The following USH2A variants were observed in gnomAD, a reference collection of about 807,000 sequenced individuals.
USH2A encodes Usher syndrome 2A (autosomal recessive, mild).
Under a neutral mutation model 538.9 loss-of-function variants are expected in USH2A, and 443 were observed. That is an observed-to-expected ratio of 0.82 (90% confidence interval 0.76 to 0.89). The LOEUF (loss-of-function observed/expected upper bound fraction) is 0.89, where lower values mean the gene tolerates loss of function less well. USH2A is among the 40% of genes least tolerant of loss of function. USH2A has a pLI of 0.00. For missense variants in USH2A, 6,633 were observed against 6,324.8 expected (o/e 1.05, Z -1.65); for synonymous variants, 2,413 against 2,273.5 (o/e 1.06, Z -1.75).
chr1:215,667,329 T>C (rs1174515740), intron 64 of USH2A, among the ~76,000 whole-genome samples: 1 of 152,082 alleles, frequency 6.6e-6, no homozygotes, highest in Non-Finnish European at 1.5e-5. Flanking sequence ...GTGAGGTGAG[T>C]GACATTTGCT....
At chr1:216,103,934 C>T (rs2032657843) in intron 21 of USH2A, among the ~76,000 whole-genome samples, 1 of 152,256 alleles carries the variant, frequency 6.6e-6, no homozygotes, top group East Asian at 1.9e-4. Flanking sequence ...AATGGAAACT[C>T]TCATACATGC....
At chr1:215,935,696 G>T (rs778939054) in intron 37 of USH2A, among the ~76,000 whole-genome samples, 1 of 151,958 alleles carries the variant, frequency 6.6e-6, no homozygotes, top group African/African-American at 2.4e-5. Flanking sequence ...GGCTACAGAT[G>T]AAAATTGTAA....
chr1:215,812,498 A>G (rs1324554316), intron 49 of USH2A, among the ~76,000 whole-genome samples: 1 of 152,150 alleles, frequency 6.6e-6, no homozygotes, highest in East Asian at 1.9e-4. Flanking sequence ...ACTGGGTTAG[A>G]CAGTGTCTCA....
chr1:215,773,942 T>G (rs1661378898), intron 55 of USH2A, among the ~76,000 whole-genome samples: 1 of 152,166 alleles, frequency 6.6e-6, no homozygotes, highest in Non-Finnish European at 1.5e-5. Flanking sequence ...AGAATTTGTT[T>G]TACAGGATTT....
chr1:216,024,061 T>C (rs1668907354), intron 32 of USH2A, among the ~76,000 whole-genome samples: 1 of 152,120 alleles, frequency 6.6e-6, no homozygotes, highest in African/African-American at 2.4e-5. Flanking sequence ...ATATAATCAT[T>C]TCCTTTTTCT....
In USH2A at chr1:216,153,344, AG is replaced by A. The variant is rs1446990456; in HGVS notation, c.4627+21907del. 2.0e-5 allele frequency among the ~76,000 whole-genome samples: 3 copies of A among 152,152 alleles called. No individual in the cohort carries two copies. In the East Asian group the frequency reaches 5.8e-4, roughly 29 times the overall value. On this transcript the variant is annotated intron_variant, in intron 21 of 71. Transcript: ENST00000307340. ...TACTACCATGGGACTGGAGCCCAAA[AG>A]TTCTTGCCCTGGCTCCCACACCTGC...
intron 37 of USH2A, among the ~76,000 whole-genome samples, chr1:215,940,073 A>G (rs1391079554): frequency 6.6e-6 from 1 of 152,146 alleles, no homozygotes; most frequent in Non-Finnish European, 1.5e-5. Context: ...ATGAGAAATG[A>G]CAGTGAACAA....
chr1:215,773,655 G>A (rs1283650885), intron 55 of USH2A, among the ~76,000 whole-genome samples: 3 of 151,994 alleles, frequency 2.0e-5, no homozygotes, highest in South Asian at 4.2e-4. Flanking sequence ...GCAAGACAAC[G>A]AGCCCCAGAG....
chr1:216,417,248 A>G (rs559795562), intron 3 of USH2A, among the ~76,000 whole-genome samples: 1 of 150,912 alleles, frequency 6.6e-6, no homozygotes, highest in Non-Finnish European at 1.5e-5. Flanking sequence ...ACGCACACTC[A>G]TTATCTGCTT....
At position 215,634,592 on chromosome 1, in the gene USH2A, A is replaced by C. The variant is rs756735806; in HGVS notation, c.15164T>G (p.Leu5055Trp). Residue 5055 changes from leucine (L) to tryptophan (W), a missense_variant, in exon 70 of 72, where the codon TTG (leucine) becomes TGG (tryptophan). Physicochemically the swap from Leu to Trp is moderately conservative, Grantham distance 61 (BLOSUM62 -2). Transcript: ENST00000307340. ...TAGTATCAGGGACAGAAAAATGGCC[A>C]ACAAGATCAAGCCCAGCATCGCCAT... is the stretch of plus-strand genomic sequence containing the variant. The part of the protein sequence containing the change: ...VLMAMLGLIL[L>W]AIFLSLILQR... The C allele has an allele frequency of 6.2e-7, 1 of 1,614,224 alleles. No homozygotes were observed. The highest frequency in any genetic ancestry group is 2.2e-5 in the East Asian group (1 of 44,882).
At chr1:216,363,536 T>C (rs542708820) in intron 4 of USH2A, among the ~76,000 whole-genome samples, 2 of 152,270 alleles carry the variant, frequency 1.3e-5, no homozygotes, top group Admixed American at 1.3e-4. Flanking sequence ...TACGTATGTA[T>C]ACATCTATGT....
intron 46 of USH2A, among the ~76,000 whole-genome samples, chr1:215,839,933 G>A (rs993492300): frequency 2.0e-5 from 3 of 151,922 alleles, no homozygotes; most frequent in South Asian, 4.2e-4. Flanking sequence ...TTAGGCAGGC[G>A]GATCACCTGA....
chr1:215,997,363 G>C (rs1255373142), intron 34 of USH2A, among the ~76,000 whole-genome samples: 2 of 152,054 alleles, frequency 1.3e-5, no homozygotes, highest in Non-Finnish European at 2.9e-5. Flanking sequence ...AATAGTGTTT[G>C]GGATTACTTT....
chr1:215,995,446 T>C (rs1301383003), intron 34 of USH2A, among the ~76,000 whole-genome samples: 1 of 152,224 alleles, frequency 6.6e-6, no homozygotes, highest in African/African-American at 2.4e-5. Context: ...GGGTCCTAAG[T>C]AAGCAGGACA....
chr1:216,019,820 T>C (rs1668805541), intron 32 of USH2A, among the ~76,000 whole-genome samples: 1 of 152,174 alleles, frequency 6.6e-6, no homozygotes, highest in South Asian at 2.1e-4. Flanking sequence ...ATGAGCACAA[T>C]GGAGTAGCAG....
At chr1:215,703,240 T>A (rs1219984640) in intron 61 of USH2A, among the ~76,000 whole-genome samples, 1 of 152,152 alleles carries the variant, frequency 6.6e-6, no homozygotes, top group African/African-American at 2.4e-5. Flanking sequence ...CTGTATGAGA[T>A]GTCTATGAAC....
intron 34 of USH2A, among the ~76,000 whole-genome samples, chr1:215,994,900 T>C (rs1321852732): frequency 6.6e-6 from 1 of 152,074 alleles, no homozygotes; most frequent in Non-Finnish European, 1.5e-5. Context: ...AGCTGAGTTA[T>C]CAAAGGAAAA....
intron 41 of USH2A, 136 bp from the exon 42 acceptor site, chr1:215,879,234 AC>A (rs1163823509): frequency 1.5e-5 from 11 of 742,966 alleles, no homozygotes. Context: ...AGGCCTTTGG[AC>A]TAGACAGTAA....
At chr1:215,708,219 G>A (rs1007677319) in intron 61 of USH2A, among the ~76,000 whole-genome samples, 1 of 152,110 alleles carries the variant, frequency 6.6e-6, no homozygotes, top group African/African-American at 2.4e-5. Context: ...TGTATGGTAT[G>A]TATATATTTT....
Sources: allele counts gnomAD v4.1 joint callset (sites outside exome capture counted in the v4.1 genomes callset), GRCh38; gene constraint gnomAD v4.1.1; transcripts MANE v1.5; gene names NCBI Gene and HGNC (gene_info 2026-07-23, HGNC 2026-07-21).